The following TRAK1 variants were observed in gnomAD, a reference collection of about 807,000 sequenced individuals.
TRAK1 encodes the protein trafficking kinesin protein 1.
A neutral mutation model predicts 92.1 loss-of-function variants in TRAK1; 33 were observed. The observed-to-expected ratio is 0.36, with a 90% CI of 0.27 to 0.48. The LOEUF is 0.48. Ranked by LOEUF, TRAK1 falls within the 20% of genes least tolerant of loss-of-function variation. The pLI is 0.99. For synonymous variants in TRAK1, 521 were observed against 517.3 expected (o/e 1.01, Z -0.10); for missense variants, 1,123 against 1,257.9 (o/e 0.89, Z 1.62).
At chr3:42,038,291 T>C (rs1003760664) in intron 1 of TRAK1, among the ~76,000 whole-genome samples, 3 of 152,170 alleles carry the variant, frequency 2.0e-5, no homozygotes, top group Non-Finnish European at 2.9e-5. Context: ...GAATACTGAA[T>C]TGAATTGAAT....
At chr3:42,181,522 C>A (rs1293208178) in intron 3 of TRAK1, among the ~76,000 whole-genome samples, 1 of 152,116 alleles carries the variant, frequency 6.6e-6, no homozygotes, top group East Asian at 1.9e-4. Flanking sequence ...CCAGCCTGGG[C>A]GACAGATCGA....
At chr3:42,218,206 G>A in intron 14 of TRAK1, 1 of 985,362 alleles carries the variant, frequency 1.0e-6, no homozygotes, top group Non-Finnish European at 1.2e-6. Context: ...GTGTCATCGG[G>A]TTCCTGGTTT....
intron 2 of TRAK1, among the ~76,000 whole-genome samples, chr3:42,134,868 T>G (rs1697739476): frequency 6.6e-6 from 1 of 151,852 alleles, no homozygotes; most frequent in African/African-American, 2.4e-5. Context: ...CATGAGCCAC[T>G]GCACCTGGCC....
At chr3:42,182,460 T>G (rs1255297740) in intron 3 of TRAK1, among the ~76,000 whole-genome samples, 2 of 151,940 alleles carry the variant, frequency 1.3e-5, no homozygotes, top group African/African-American at 4.8e-5. Context: ...ACCCAGCCAA[T>G]TTTTGTATTT....
chr3:42,055,603 C>T (rs1703172768), intron 1 of TRAK1, among the ~76,000 whole-genome samples: 1 of 152,226 alleles, frequency 6.6e-6, no homozygotes, highest in Non-Finnish European at 1.5e-5. Context: ...GCTGAGATCA[C>T]AGGCGTGTGC....
chr3:42,016,222 T>G (rs1416617811), intron 1 of TRAK1, among the ~76,000 whole-genome samples: 1 of 152,118 alleles, frequency 6.6e-6, no homozygotes, highest in African/African-American at 2.4e-5. Flanking sequence ...TTTTTCTTTT[T>G]GAGTCAGAGT....
rs1472556541 is a variant in TRAK1 at position 42,199,248 on chromosome 3, C to G, written c.1185C>G (p.Asp395Glu). Reference sequence around the variant, plus strand: ...AGTTGGAAGAGGCCGAGTCTCCAGACATCACGTACGGCCACAGTTTTTACA... The same window carrying G: ...AGTTGGAAGAGGCCGAGTCTCCAGAGATCACGTACGGCCACAGTTTTTACA... ...ELQLEEAESP[D>E]ITHQKRVFET... The change falls in exon 11 of 16, where the codon GAC becomes GAG. Residue 395 changes from aspartate (D) to glutamate (E), a missense_variant. This residue lies in a region of TRAK1 where 686 missense variants were observed against 747.6 expected (regional missense o/e 0.92). Transcript: ENST00000327628. 3 of 1,614,072 alleles carry G rather than the reference C, an allele frequency of 1.9e-6. No homozygotes were observed. Among genetic ancestry groups the G allele is most frequent in the Non-Finnish European group, 2.5e-6 (3 of 1,180,024 alleles).
intron 1 of TRAK1, among the ~76,000 whole-genome samples, chr3:42,102,629 T>G (rs1706945936): frequency 6.6e-6 from 1 of 152,226 alleles, no homozygotes; most frequent in Admixed American, 6.5e-5. Context: ...CTTCTCTGTC[T>G]GCTGATGGGG....
chr3:42,132,255 T>A (rs1176270826), intron 2 of TRAK1, among the ~76,000 whole-genome samples: 4 of 151,772 alleles, frequency 2.6e-5, no homozygotes, highest in Admixed American at 2.0e-4. Context: ...TTTTTTTTTT[T>A]TTGTTTGGTG....
At chr3:42,128,378 T>C (rs149916372) in intron 2 of TRAK1, among the ~76,000 whole-genome samples, 3 of 152,356 alleles carry the variant, frequency 2.0e-5, no homozygotes, top group East Asian at 3.9e-4. Context: ...TCTTAGAGCC[T>C]GCTTGCCTCC....
chr3:42,042,043 C>T (rs1422486292), intron 1 of TRAK1, among the ~76,000 whole-genome samples: 3 of 152,106 alleles, frequency 2.0e-5, no homozygotes, highest in African/African-American at 4.8e-5. Flanking sequence ...CCGCTTGCCT[C>T]GGCCTCCCAA....
At chr3:42,030,690 AT>A (rs1702102019) in intron 1 of TRAK1, among the ~76,000 whole-genome samples, 1 of 166 alleles carries the variant, frequency 6.0e-3, no homozygotes, top group Non-Finnish European at 0.045. Context: ...AAAAAAAAGA[AT>A]ATATATATAT....
chr3:42,028,668 G>T (rs1702005637), intron 1 of TRAK1, among the ~76,000 whole-genome samples: 1 of 152,218 alleles, frequency 6.6e-6, no homozygotes, highest in Non-Finnish European at 1.5e-5. Flanking sequence ...GGCCAGTGTG[G>T]CTGCAGTGCA....
chr3:42,086,498 G>C (rs1276963515), upstream of TRAK1, among the ~76,000 whole-genome samples: 1 of 151,794 alleles, frequency 6.6e-6, no homozygotes, highest in Admixed American at 6.6e-5. Context: ...TGTATTTTTA[G>C]TGGAGATGGG....
At chr3:42,125,669 G>T (rs1480443908) in intron 2 of TRAK1, 55 bp downstream of exon 2, 1 of 1,578,764 alleles carries the variant, frequency 6.3e-7, no homozygotes, top group African/African-American at 1.3e-5. Flanking sequence ...GGTCTTCTTA[G>T]CCATGGCCCC....
chr3:42,017,942 CT>C (rs1030166035), intron 1 of TRAK1, among the ~76,000 whole-genome samples: 1 of 151,308 alleles, frequency 6.6e-6, no homozygotes, highest in African/African-American at 2.4e-5. Flanking sequence ...TCCTTAAACA[CT>C]TTTTTTTTCT....
chr3:42,081,649 A>G (rs1704445928), intron 1 of TRAK1, among the ~76,000 whole-genome samples: 1 of 152,212 alleles, frequency 6.6e-6, no homozygotes, highest in African/African-American at 2.4e-5. Flanking sequence ...GTAGATAGGT[A>G]TGTGGAGAAA....
At chr3:42,120,493 G>A (rs559627273) in intron 1 of TRAK1, among the ~76,000 whole-genome samples, 13 of 151,996 alleles carry the variant, frequency 8.6e-5, no homozygotes, top group African/African-American at 2.2e-4. Context: ...CTGACCCTCC[G>A]TGGTTCTGCA....
At chr3:42,021,277 G>A (rs1280542071) in intron 1 of TRAK1, among the ~76,000 whole-genome samples, 1 of 152,136 alleles carries the variant, frequency 6.6e-6, no homozygotes, top group African/African-American at 2.4e-5. Flanking sequence ...TAGACAGTGA[G>A]CATTTCATTT....
Sources: gnomAD v4.1 joint callset for allele counts (sites outside exome capture counted in the v4.1 genomes callset) on GRCh38, gnomAD v4.1.1 for gene constraint, gnomAD v4.1.1 regional missense constraint, MANE v1.5 for transcripts, NCBI Gene and HGNC (gene_info 2026-07-23, HGNC 2026-07-21) for gene names.